SLC27A1: variants seen among roughly 807,000 people sequenced by gnomAD.
SLC27A1 encodes the protein solute carrier family 27 member 1.
In SLC27A1, 61 loss-of-function variants were observed where a neutral mutation model predicts 62.2. The observed-to-expected ratio is 0.98, with a 90% confidence interval of 0.80 to 1.21. The LOEUF is 1.21. SLC27A1 is among the 50% of genes most tolerant of loss of function. SLC27A1 has a pLI of 0.00. For missense variants in SLC27A1, 903 were observed against 932.1 expected (o/e 0.97, Z 0.41); for synonymous variants, 435 against 408.6 (o/e 1.06, Z -0.78).
At chr19:17,471,433 T>A (rs1894332796) in intron 1 of SLC27A1, among the ~76,000 whole-genome samples, 1 of 151,878 alleles carries the variant, frequency 6.6e-6, no homozygotes, top group Admixed American at 6.6e-5. Flanking sequence ...GGATTCATGC[T>A]AGGGGGGCAG....
In SLC27A1 at chr19:17,486,603, C is replaced by A; in HGVS notation, c.208C>A (p.Arg70=). The change falls in exon 2 of 12, where the codon CGG becomes AGG. Residue 70 remains arginine (R), a synonymous_variant. Coordinates refer to ENST00000252595, the MANE Select transcript of SLC27A1 (RefSeq NM_198580.3). The surrounding 1 kb of genome is among the most constrained non-coding windows in gnomAD (Gnocchi z 6.6). ...VLIRVRLELR[R]HQRAGHTIPR... ...GATCCGCGTGCGCCTGGAGCTGCGG[C>A]GGCACCAGCGTGCCGGCCACACCAT... 2 of 1,593,648 alleles carry A rather than the reference C, an allele frequency of 1.3e-6. No homozygotes were observed. Among genetic ancestry groups the A allele is most frequent in the East Asian group, 2.3e-5 (1 of 44,434 alleles).
intron 3 of SLC27A1, 45 bp from the exon 4 acceptor site, chr19:17,487,415 C>T (rs369219590): frequency 1.7e-4 from 270 of 1,546,716 alleles, no homozygotes; most frequent in Non-Finnish European, 2.3e-4. Context: ...CAGGCCCCAC[C>T]CCCCAATGCT....
chr19:17,487,020 A>T, intron 2 of SLC27A1, 63 bp downstream of exon 2: 1 of 1,538,566 alleles, frequency 6.5e-7, no homozygotes, highest in Non-Finnish European at 8.7e-7. Context: ...GCGGGCGGGG[A>T]GATGCTGCGC....
chr19:17,504,359 CTG>C, intron 11 of SLC27A1, 94 bp from the exon 12 acceptor site: 2 of 1,443,786 alleles, frequency 1.4e-6, no homozygotes, highest in African/African-American at 2.8e-5. Flanking sequence ...AGGGGACAGC[CTG>C]TGGGAAGGTC....
At position 17,487,261 on chromosome 19, in the gene SLC27A1, C is replaced by T; in HGVS notation, c.650C>T (p.Thr217Ile). ...GGGCCCGAGGGCATCTTGCCGGACA[C>T]CCACCTCCTGGACCCGCTGCTGAAG... ...DLGPEGILPDTHLLDPLLKEA... is the reference protein window; with the variant it reads ...DLGPEGILPDIHLLDPLLKEA... The change falls in exon 3 of 12, where the codon ACC (threonine) becomes ATC (isoleucine). Residue 217 changes from threonine to isoleucine, a missense_variant. Transcript: ENST00000252595. 6.2e-7 allele frequency: 1 copy of T among 1,614,008 alleles called. No individual in the cohort carries two copies. Among genetic ancestry groups the T allele is most frequent in the Non-Finnish European group, 8.5e-7 (1 of 1,179,970 alleles).
intron 1 of SLC27A1, among the ~76,000 whole-genome samples, chr19:17,474,471 T>G (rs1419130601): frequency 6.6e-6 from 1 of 152,124 alleles, no homozygotes; most frequent in South Asian, 2.1e-4. Flanking sequence ...ATGGGCCCTG[T>G]GGGTGTCCAT....
chr19:17,480,546 T>TC (rs1555743195), intron 1 of SLC27A1, among the ~76,000 whole-genome samples: 1 of 144,098 alleles, frequency 6.9e-6, no homozygotes. Context: ...TTTTTCTTTT[T>TC]TTTTTTTTTT....
chr19:17,482,393 C>A (rs2075187331), intron 1 of SLC27A1, among the ~76,000 whole-genome samples: 1 of 152,088 alleles, frequency 6.6e-6, no homozygotes, highest in South Asian at 2.1e-4. Flanking sequence ...TGGCTCATGC[C>A]TGTAATCCCA....
intron 6 of SLC27A1, chr19:17,496,318 C>T (rs2075349205): frequency 2.0e-5 from 3 of 152,204 alleles, no homozygotes; most frequent in Admixed American, 6.5e-5. Flanking sequence ...GGAGTCATTC[C>T]GAAGCCCAAC....
At chr19:17,484,814 A>T (rs1046319223) in intron 1 of SLC27A1, among the ~76,000 whole-genome samples, 1 of 152,172 alleles carries the variant, frequency 6.6e-6, no homozygotes, top group Non-Finnish European at 1.5e-5. Flanking sequence ...GGGGGGTGTG[A>T]GCAGCCATTG....
intron 1 of SLC27A1, among the ~76,000 whole-genome samples, chr19:17,482,680 G>GAAAAT: frequency 6.6e-6 from 1 of 151,710 alleles, no homozygotes; most frequent in South Asian, 2.1e-4. Context: ...AAAAAGGGTG[G>GAAAAT]GGAGAGAATG....
At chr19:17,491,030 C>CA (rs34124442) in intron 6 of SLC27A1, 1,163 of 89,646 alleles carry the variant, frequency 0.013, 44 homozygotes, top group African/African-American at 0.042. Flanking sequence ...GACTCCATCT[C>CA]AAAAAAAAAA....
chr19:17,496,461 G>A (rs985760023), intron 6 of SLC27A1: 1 of 152,314 alleles, frequency 6.6e-6, no homozygotes, highest in African/African-American at 2.4e-5. Context: ...GTGGCTCCGT[G>A]GGCACCTGGG....
chr19:17,485,314 G>A (rs1333501762), intron 1 of SLC27A1, among the ~76,000 whole-genome samples: 22 of 148,922 alleles, frequency 1.5e-4, no homozygotes, highest in Admixed American at 2.7e-4. Flanking sequence ...CTCAGCCTCC[G>A]GAGTAGCTGG....
At chr19:17,476,773 C>A (rs1043513193) in intron 1 of SLC27A1, among the ~76,000 whole-genome samples, 2 of 151,802 alleles carry the variant, frequency 1.3e-5, no homozygotes, top group Non-Finnish European at 2.9e-5. Context: ...CCAGTTCATT[C>A]ATTATTTGAC....
chr19:17,498,821 C>T (rs1039870674), intron 7 of SLC27A1: 6 of 156,812 alleles, frequency 3.8e-5, no homozygotes, highest in African/African-American at 1.4e-4. Flanking sequence ...GACAGGGGGC[C>T]CTTCCCTGCC....
In SLC27A1 at chr19:17,505,187, C is replaced by A. The variant is rs986518360; in HGVS notation, c.*575C>A. On this transcript the variant is annotated 3_prime_UTR_variant, in exon 12 of 12. Coordinates refer to ENST00000252595, the MANE Select transcript of SLC27A1 (RefSeq NM_198580.3). Reference sequence around the variant, plus strand: ...GGGATTATAGGCGTGAGCCTCTGGCCCGGCCTTTCCTTTTTCCTCTCCTCT... The same window carrying A: ...GGGATTATAGGCGTGAGCCTCTGGCACGGCCTTTCCTTTTTCCTCTCCTCT... 5 of 304,444 alleles carry A rather than the reference C, an allele frequency of 1.6e-5. No individual in the cohort carries two copies. The highest frequency in any genetic ancestry group is 2.2e-5 in the African/African-American group (1 of 45,332). 18.9% of individuals were successfully genotyped at this position (304,444 alleles called of 1,614,324 possible).
intron 11 of SLC27A1, among the ~76,000 whole-genome samples, chr19:17,502,145 T>C (rs573618001): frequency 6.6e-6 from 1 of 151,716 alleles, no homozygotes. Flanking sequence ...CAACATGATT[T>C]TTGGTGCGGA....
intron 11 of SLC27A1, among the ~76,000 whole-genome samples, chr19:17,502,340 T>TTG (rs2075425222): frequency 1.6e-5 from 1 of 62,922 alleles, no homozygotes; most frequent in African/African-American, 5.4e-5. Context: ...ATAGTGTTTT[T>TTG]TTTGTTTTTT....
Sources: gnomAD v4.1 joint callset for allele counts (sites outside exome capture counted in the v4.1 genomes callset) on GRCh38, gnomAD v4.1.1 for gene constraint, Gnocchi (gnomAD v3.1) non-coding constraint, MANE v1.5 for transcripts, NCBI Gene and HGNC (gene_info 2026-07-23, HGNC 2026-07-21) for gene names.